AKAP19: variants seen among roughly 807,000 people sequenced by gnomAD.
The protein encoded by AKAP19 is A-kinase anchoring protein 19, also known as small A-kinase anchoring protein.
chr2:189,982,054 C>T, the AKAP19 span, among the ~76,000 whole-genome samples: 3 of 152,082 alleles, frequency 2.0e-5, no homozygotes, highest in Non-Finnish European at 4.4e-5. Flanking sequence ...GAACTGTCTA[C>T]CCAAGATTAG....
chr2:189,994,403 T>C, the AKAP19 span, among the ~76,000 whole-genome samples: 1 of 152,012 alleles, frequency 6.6e-6, no homozygotes, highest in Non-Finnish European at 1.5e-5. Flanking sequence ...TGTCTGTTTA[T>C]GCTCTTTCAG....
chr2:189,923,679 T>C, the AKAP19 span: 3 of 1,613,774 alleles, frequency 1.9e-6, no homozygotes, highest in East Asian at 4.5e-5. Flanking sequence ...GATTGTGACT[T>C]TCAACGGGAC....
the AKAP19 span, among the ~76,000 whole-genome samples, chr2:189,925,089 G>A: frequency 3.9e-5 from 6 of 152,052 alleles, no homozygotes; most frequent in South Asian, 2.1e-4. Context: ...CAGAAACCAC[G>A]TATTGCACAT....
chr2:189,911,991 T>C, the AKAP19 span, among the ~76,000 whole-genome samples: 2 of 152,190 alleles, frequency 1.3e-5, no homozygotes, highest in Middle Eastern at 3.4e-3. Context: ...ATGTAATTAC[T>C]TTAATATATA....
chr2:189,925,043 C>G, the AKAP19 span, among the ~76,000 whole-genome samples: 1 of 152,072 alleles, frequency 6.6e-6, no homozygotes. Context: ...CTCATTTAAC[C>G]TTGAGGGAGG....
chr2:189,941,632 G>A, the AKAP19 span, among the ~76,000 whole-genome samples: 7 of 150,730 alleles, frequency 4.6e-5, no homozygotes, highest in Non-Finnish European at 8.8e-5. Context: ...GATGTTTTTT[G>A]TGAGCCTCAC....
chr2:190,180,494 C>T, the AKAP19 span: 1 of 985,440 alleles, frequency 1.0e-6, no homozygotes, highest in African/African-American at 1.7e-5. This position sits in a 1 kb window ranked among gnomAD's most constrained non-coding sequence, Gnocchi z 6.8. Context: ...TCATTGACCT[C>T]TGCGATGCCT....
chr2:190,077,473 T>TA, the AKAP19 span, among the ~76,000 whole-genome samples: 1 of 152,108 alleles, frequency 6.6e-6, no homozygotes, highest in Non-Finnish European at 1.5e-5. Flanking sequence ...GTTAACATGT[T>TA]AAAAATTTTT....
the AKAP19 span, among the ~76,000 whole-genome samples, chr2:190,197,299 T>G: frequency 1.3e-5 from 2 of 152,202 alleles, no homozygotes; most frequent in African/African-American, 4.8e-5. This position sits in a 1 kb window ranked among gnomAD's most constrained non-coding sequence, Gnocchi z 4.0. Context: ...GAGTAGTAAC[T>G]AAATACGAAA....
At chr2:190,135,080 T>G in the AKAP19 span, among the ~76,000 whole-genome samples, 2 of 152,176 alleles carry the variant, frequency 1.3e-5, no homozygotes, top group African/African-American at 4.8e-5. Context: ...TTTAAACAAC[T>G]TTTTTATGTT....
the AKAP19 span, among the ~76,000 whole-genome samples, chr2:189,983,782 T>C: frequency 3.2e-3 from 484 of 152,310 alleles, 1 homozygote; most frequent in Non-Finnish European, 5.4e-3. Flanking sequence ...TTGGGGGAAC[T>C]GCCCCGAAAA....
chr2:189,969,175 G>A, the AKAP19 span, among the ~76,000 whole-genome samples: 1 of 152,200 alleles, frequency 6.6e-6, no homozygotes, highest in East Asian at 1.9e-4. Flanking sequence ...AAACATGTCA[G>A]CCCAAGGTGA....
At chr2:190,120,828 TCCA>T in the AKAP19 span, among the ~76,000 whole-genome samples, 2 of 152,152 alleles carry the variant, frequency 1.3e-5, no homozygotes, top group Admixed American at 1.3e-4. Flanking sequence ...GTCCCACACT[TCCA>T]TGCAAAGCAG....
At chr2:190,175,331 T>C in the AKAP19 span, among the ~76,000 whole-genome samples, 3 of 152,174 alleles carry the variant, frequency 2.0e-5, no homozygotes, top group Non-Finnish European at 4.4e-5. Flanking sequence ...CAAAAAGGAA[T>C]GCAGAACAAC....
chr2:190,160,866 C>T, the AKAP19 span, among the ~76,000 whole-genome samples: 11 of 152,106 alleles, frequency 7.2e-5, no homozygotes, highest in African/African-American at 2.2e-4. Context: ...ATATAAGTGA[C>T]ATTTTCTTAT....
At chr2:189,971,763 G>T in the AKAP19 span, among the ~76,000 whole-genome samples, 1 of 152,068 alleles carries the variant, frequency 6.6e-6, no homozygotes, top group African/African-American at 2.4e-5. Flanking sequence ...GTGACTTTTG[G>T]CTGCATAAAT....
At chr2:190,131,624 T>C in the AKAP19 span, among the ~76,000 whole-genome samples, 2 of 152,216 alleles carry the variant, frequency 1.3e-5, no homozygotes, top group African/African-American at 4.8e-5. Flanking sequence ...GTGGGGGTCA[T>C]TGGAAGTCCA....
the AKAP19 span, among the ~76,000 whole-genome samples, chr2:189,908,207 T>G: frequency 6.6e-6 from 1 of 151,322 alleles, no homozygotes; most frequent in African/African-American, 2.4e-5. Flanking sequence ...TACTTTTTTT[T>G]TTTTTTGACA....
chr2:189,914,922 C>A, the AKAP19 span, among the ~76,000 whole-genome samples: 49 of 152,164 alleles, frequency 3.2e-4, no homozygotes, highest in African/African-American at 1.1e-3. Flanking sequence ...GCCTCTTGTT[C>A]TTAACAACTT....
Sources: gnomAD v4.1 joint callset for allele counts (sites outside exome capture counted in the v4.1 genomes callset) on GRCh38, gnomAD v4.1.1 for gene constraint, Gnocchi (gnomAD v3.1) non-coding constraint, MANE v1.5 for transcripts, NCBI Gene and HGNC (gene_info 2026-07-23, HGNC 2026-07-21) for gene names.